The following NPEPL1 variants were observed in gnomAD, a reference collection of about 807,000 sequenced individuals.
NPEPL1 encodes probable aminopeptidase NPEPL1.
A neutral mutation model predicts 52.4 loss-of-function variants in NPEPL1; 45 were observed. The ratio of observed to expected loss-of-function variants is 0.86; its 90% CI spans 0.68 to 1.10. The LOEUF (loss-of-function observed/expected upper bound fraction) is 1.10, where lower values mean the gene tolerates loss of function less well. Ranked by LOEUF, NPEPL1 falls within the 50% of genes least tolerant of loss-of-function variation. NPEPL1 has a pLI of 0.00. For missense variants in NPEPL1, 696 were observed against 710.9 expected, an observed-to-expected ratio of 0.98 and a Z score of 0.24; for synonymous variants, 360 against 314.7, an observed-to-expected ratio of 1.14 and a Z score of -1.52.
At chr20:58,692,044 GCTCCTTCCTCGTCTCAT>G (rs1285451122), upstream of NPEPL1, 1 of 588,414 alleles carries the variant, frequency 1.7e-6, no homozygotes, top group African/African-American at 1.9e-5. The surrounding 1 kb of genome is among the most constrained non-coding windows in gnomAD (Gnocchi z 5.7). Flanking sequence ...AGGTCACCCT[GCTCCTTCCTCGTCTCAT>G]CTCGTCCCTC....
At chr20:58,695,005 CATGTGTGATG>C (rs1601094109) in intron 3 of NPEPL1, among the ~76,000 whole-genome samples, 3 of 1,220 alleles carry the variant, frequency 2.5e-3, no homozygotes, top group Non-Finnish European at 3.7e-3. Context: ...TGTGTGTGTG[CATGTGTGATG>C]TGTGTGTGTG....
chr20:58,707,998 CGATTGAGCCCGGGA>C (rs1295250129), intron 7 of NPEPL1, among the ~76,000 whole-genome samples: 3 of 152,132 alleles, frequency 2.0e-5, no homozygotes, highest in Admixed American at 2.0e-4. Flanking sequence ...GGCGGAGGAT[CGATTGAGCCCGGGA>C]GGTTGAGGCT....
Position 58,713,711 on chromosome 20 carries a change from C to G in NPEPL1, c.1125+168C>G, listed in dbSNP as rs999065117. 1.8e-6 allele frequency: 2 copies of G among 1,128,932 alleles called. No homozygotes were observed. The highest frequency in any genetic ancestry group is 1.6e-5 in the African/African-American group (1 of 63,900). 69.9% of individuals were successfully genotyped at this position (1,128,932 alleles called of 1,614,324 possible). The stretch of plus-strand genomic sequence containing the variant: ...CCGTCAAGCTTGGTGTGGGCAGTAC[C>G]GAGGCCCAGGCTGGATGCAGAGCCG... On this transcript the variant is annotated intron_variant, in intron 9 of 11. Transcript: ENST00000356091. This position sits in a 1 kb window ranked among gnomAD's most constrained non-coding sequence, Gnocchi z 4.6.
upstream of NPEPL1, chr20:58,691,693 C>CTTTTTTTTTTTTTTGTTTTT: frequency 1.8e-6 from 1 of 561,314 alleles, no homozygotes; most frequent in Non-Finnish European, 2.9e-6. Flanking sequence ...TTTTTCTTTT[C>CTTTTTTTTTTTTTTGTTTTT]TTTTTTTTTT....
intron 6 of NPEPL1, among the ~76,000 whole-genome samples, chr20:58,702,135 C>G (rs1361909769): frequency 6.6e-6 from 1 of 152,242 alleles, no homozygotes; most frequent in Admixed American, 6.5e-5. Flanking sequence ...CTCACGGAGG[C>G]CTGGCATTTT....
intron 10 of NPEPL1, chr20:58,714,301 A>G (rs2123157437): frequency 4.8e-6 from 3 of 627,370 alleles, no homozygotes; most frequent in Non-Finnish European, 8.0e-6. Flanking sequence ...CACACAGCCA[A>G]GGGTTTCTCC....
At chr20:58,695,215 GCAGCATGTGT>G (rs2084457911) in intron 3 of NPEPL1, among the ~76,000 whole-genome samples, 1 of 113,404 alleles carries the variant, frequency 8.8e-6, no homozygotes. Flanking sequence ...GTGTGCATGA[GCAGCATGTGT>G]TGCTGTGTGT....
intron 3 of NPEPL1, 52 bp from the exon 4 acceptor site, chr20:58,698,632 G>A: frequency 6.9e-7 from 1 of 1,440,882 alleles, no homozygotes; most frequent in Non-Finnish European, 9.7e-7. Flanking sequence ...ATGGACAAGG[G>A]GAGAACATCT....
At position 58,699,138 on chromosome 20, in the gene NPEPL1, C is replaced by T. The variant is rs2084557290; in HGVS notation, c.598-59C>T. 5.4e-6 allele frequency: 8 copies of T among 1,482,514 alleles called. No individual in the cohort carries two copies. In the African/African-American group the frequency reaches 5.6e-5, roughly 10 times the overall value. The allele number at this position is 1,482,514 out of a possible 1,614,324, so 91.8% of individuals were successfully genotyped here. ...TCCCTGGCCCCAGCCTCGGCCTCTC[C>T]TGTTTCCAGCCATCTTCATGTGTTG... On this transcript the variant is annotated intron_variant, in intron 4 of 11. Coordinates refer to ENST00000356091, the MANE Select transcript of NPEPL1 (RefSeq NM_024663.4).
intron 6 of NPEPL1, among the ~76,000 whole-genome samples, chr20:58,706,912 A>T (rs1206555129): frequency 1.3e-5 from 2 of 151,706 alleles, no homozygotes; most frequent in African/African-American, 4.9e-5. Flanking sequence ...TATGGCCATG[A>T]CTCCCTGTTG....
chr20:58,697,278 C>T (rs942922036), intron 3 of NPEPL1, among the ~76,000 whole-genome samples: 2 of 152,242 alleles, frequency 1.3e-5, no homozygotes, highest in Admixed American at 6.5e-5. Flanking sequence ...CAGGAGCGCT[C>T]TTGCGTCAGA....
chr20:58,700,982 G>T, intron 5 of NPEPL1, 34 bp from the exon 6 acceptor site: 1 of 1,502,688 alleles, frequency 6.7e-7, no homozygotes. Context: ...AGCTCAGCCC[G>T]AGCCTAACCC....
intron 10 of NPEPL1, 35 bp downstream of exon 10, chr20:58,714,128 A>G (rs2084909939): frequency 3.9e-6 from 6 of 1,520,508 alleles, no homozygotes; most frequent in South Asian, 1.3e-5. Flanking sequence ...AGCCTGCCAC[A>G]TGGGTGGAGC....
At chr20:58,700,879 A>C (rs576137401) in intron 5 of NPEPL1, 137 bp from the exon 6 acceptor site, 939 of 802,826 alleles carry the variant, frequency 1.2e-3, no homozygotes, top group Non-Finnish European at 1.6e-3. Context: ...GGGGCAGGAG[A>C]AGGGGCAGGG....
intron 7 of NPEPL1, 67 bp downstream of exon 7, chr20:58,707,267 C>A: frequency 7.3e-7 from 1 of 1,366,700 alleles, no homozygotes; most frequent in South Asian, 1.4e-5. Flanking sequence ...TCCCCTCTCC[C>A]CTGTCCGTCC....
At position 58,713,652 on chromosome 20, in the gene NPEPL1, T is replaced by C; in HGVS notation, c.1125+109T>C. ...CGTGGGGGCTGCCGTCAGGAAGTTT[T>C]CATAACTGGGCACGAGGAGGCAGGA... On this transcript the variant is annotated intron_variant, in intron 9 of 11. Coordinates refer to ENST00000356091, the MANE Select transcript of NPEPL1 (RefSeq NM_024663.4). The surrounding 1 kb of genome is among the most constrained non-coding windows in gnomAD (Gnocchi z 4.6). 5.0e-6 allele frequency: 7 copies of C among 1,396,980 alleles called. No individual in the cohort carries two copies. Among genetic ancestry groups the C allele is most frequent in the Non-Finnish European group, 6.6e-6 (7 of 1,061,118 alleles). 86.5% of individuals were successfully genotyped at this position (1,396,980 alleles called of 1,614,324 possible).
chr20:58,694,371 T>TGGTGGCGGCCCTTGCACC (rs752668050), intron 2 of NPEPL1, 51 bp from the exon 3 acceptor site: 1 of 1,535,748 alleles, frequency 6.5e-7, no homozygotes, highest in Non-Finnish European at 8.8e-7. Flanking sequence ...CTCCCTGCAC[T>TGGTGGCGGCCCTTGCACC]CCCTGGTGGC....
At chr20:58,714,460 C>G (rs559738320) in intron 10 of NPEPL1, 100 bp from the exon 11 acceptor site, 3 of 866,270 alleles carry the variant, frequency 3.5e-6, no homozygotes, top group Non-Finnish European at 5.2e-6. Flanking sequence ...CCAGCCACCC[C>G]GAGCTCCTTG....
chr20:58,704,435 A>G (rs897785003), intron 6 of NPEPL1: 2 of 914,132 alleles, frequency 2.2e-6, no homozygotes, highest in Admixed American at 6.2e-5. Flanking sequence ...AACAATGTCT[A>G]TTGATATTTA....
Sources: allele counts gnomAD v4.1 joint callset (sites outside exome capture counted in the v4.1 genomes callset), GRCh38; gene constraint gnomAD v4.1.1; non-coding constraint Gnocchi (gnomAD v3.1); transcripts MANE v1.5; gene names NCBI Gene and HGNC (gene_info 2026-07-23, HGNC 2026-07-21).